Variants in RASGRP3 observed in about 807,000 individuals in gnomAD.
The protein encoded by RASGRP3 is RAS guanyl releasing protein 3.
RASGRP3 carries 54 observed loss-of-function variants against 82.7 expected under a neutral mutation model. The ratio of observed to expected loss-of-function variants is 0.65; its 90% confidence interval spans 0.52 to 0.82. The LOEUF (loss-of-function observed/expected upper bound fraction) is 0.82, where lower values mean the gene tolerates loss of function less well. RASGRP3 is among the 40% of genes least tolerant of loss of function. The pLI is 0.00. For missense variants in RASGRP3, 861 were observed against 828.9 expected, an observed-to-expected ratio of 1.04 and a Z score of -0.48; for synonymous variants, 309 against 300.5, an observed-to-expected ratio of 1.03 and a Z score of -0.29.
Position 33,554,695 on chromosome 2 carries a change from G to A in RASGRP3, c.1543-836G>A, listed in dbSNP as rs552936717. Among the ~76,000 whole-genome samples the A allele has an allele frequency of 1.1e-4, 16 of 152,072 alleles. No individual in the cohort carries two copies. The South Asian group carries it at 3.1e-3, about 30-fold the overall frequency. On this transcript the variant is annotated intron_variant, in intron 14 of 17. Coordinates refer to ENST00000403687, the MANE Select transcript of RASGRP3 (RefSeq NM_001139488.2). The stretch of plus-strand genomic sequence containing the variant: ...TCACCATATTAGCCAGGATGGTCTC[G>A]ATCTCCTGACCTCGTGATCTGCTCT...
At chr2:33,556,092 T>A (rs993974561) in intron 15 of RASGRP3, among the ~76,000 whole-genome samples, 8 of 152,184 alleles carry the variant, frequency 5.3e-5, no homozygotes, top group Non-Finnish European at 1.0e-4. Flanking sequence ...CAAATATATT[T>A]GACAAATGCA....
chr2:33,526,261 CTCTG>C (rs1011646145), intron 9 of RASGRP3, among the ~76,000 whole-genome samples: 19 of 152,320 alleles, frequency 1.2e-4, no homozygotes, highest in African/African-American at 4.3e-4. Flanking sequence ...TGGAAACAGA[CTCTG>C]TCTGAGTCAC....
chr2:33,478,093 C>T (rs1250250806), intron 1 of RASGRP3, among the ~76,000 whole-genome samples: 1 of 152,158 alleles, frequency 6.6e-6, no homozygotes, highest in Non-Finnish European at 1.5e-5. Flanking sequence ...ACCCAGGGCA[C>T]GGCACTTCTG....
intron 7 of RASGRP3, 80 bp downstream of exon 7, chr2:33,522,182 A>T (rs1288662760): frequency 2.0e-6 from 3 of 1,465,234 alleles, no homozygotes; most frequent in Non-Finnish European, 2.8e-6. Flanking sequence ...TCATACTCTG[A>T]AGTGTTGGCA....
chr2:33,560,040 C>T (rs1399520918), intron 17 of RASGRP3, among the ~76,000 whole-genome samples: 2 of 152,164 alleles, frequency 1.3e-5, no homozygotes, highest in African/African-American at 4.8e-5. Context: ...TCTATAACAT[C>T]CACTTTTAAA....
chr2:33,543,848 A>G (rs1459675704), intron 13 of RASGRP3, among the ~76,000 whole-genome samples: 1 of 152,198 alleles, frequency 6.6e-6, no homozygotes, highest in Non-Finnish European at 1.5e-5. Context: ...ACACAAGTGC[A>G]CATTTGTAAA....
intron 2 of RASGRP3, among the ~76,000 whole-genome samples, chr2:33,463,632 A>C (rs532282167): frequency 8.2e-6 from 1 of 122,442 alleles, no homozygotes; most frequent in Non-Finnish European, 1.6e-5. Context: ...AGAGTCTCGC[A>C]CTATCGCCCG....
intron 13 of RASGRP3, among the ~76,000 whole-genome samples, chr2:33,547,056 A>G (rs1225883174): frequency 3.5e-5 from 2 of 57,466 alleles, no homozygotes; most frequent in African/African-American, 1.1e-4. Context: ...TCTCAGGGAA[A>G]AAAAAAAAAA....
chr2:33,490,610 C>G (rs72804231), intron 1 of RASGRP3, among the ~76,000 whole-genome samples: 7,400 of 152,250 alleles, frequency 0.049, 335 homozygotes, highest in East Asian at 0.13. Context: ...TTTGCTGCTC[C>G]TCCTCCCCTC....
chr2:33,524,252 A>G (rs1191146764), intron 8 of RASGRP3, among the ~76,000 whole-genome samples, 180 bp from the exon 9 acceptor site: 1 of 152,220 alleles, frequency 6.6e-6, no homozygotes, highest in Admixed American at 6.5e-5. Flanking sequence ...CATTTAATGT[A>G]GCTATTTCTC....
At chr2:33,561,508 C>T (rs1676652803) in intron 17 of RASGRP3, among the ~76,000 whole-genome samples, 1 of 151,778 alleles carries the variant, frequency 6.6e-6, no homozygotes, top group South Asian at 2.1e-4. Context: ...AAATCAGTAA[C>T]AAATGAGATG....
intron 2 of RASGRP3, among the ~76,000 whole-genome samples, chr2:33,468,110 G>T (rs1406308060): frequency 6.8e-6 from 1 of 147,676 alleles, no homozygotes; most frequent in Admixed American, 6.9e-5. Context: ...AAGTGTCTTT[G>T]TAAGTCCAGT....
intron 13 of RASGRP3, among the ~76,000 whole-genome samples, chr2:33,545,979 C>CT (rs921860488): frequency 8.0e-5 from 12 of 149,844 alleles, no homozygotes; most frequent in Non-Finnish European, 1.5e-4. Flanking sequence ...TTTTTTTTTT[C>CT]TTTTTTTTTC....
At chr2:33,451,347 C>G (rs537420410) in intron 2 of RASGRP3, among the ~76,000 whole-genome samples, 1 of 152,222 alleles carries the variant, frequency 6.6e-6, no homozygotes, top group East Asian at 1.9e-4. Flanking sequence ...CAAATATTTT[C>G]TACCATCCCA....
chr2:33,493,381 G>T (rs1162384742), intron 1 of RASGRP3, among the ~76,000 whole-genome samples: 2 of 152,222 alleles, frequency 1.3e-5, no homozygotes, highest in Non-Finnish European at 2.9e-5. Flanking sequence ...GAGAGCAGGG[G>T]CAGAGTCCCT....
At chr2:33,518,103 G>A (rs942261303) in intron 4 of RASGRP3, among the ~76,000 whole-genome samples, 2 of 152,002 alleles carry the variant, frequency 1.3e-5, no homozygotes, top group Admixed American at 6.6e-5. Flanking sequence ...ATAACATAAC[G>A]ACGGGGATAC....
intron 13 of RASGRP3, among the ~76,000 whole-genome samples, chr2:33,545,364 G>T (rs1186376441): frequency 6.6e-6 from 1 of 152,186 alleles, no homozygotes; most frequent in Non-Finnish European, 1.5e-5. Flanking sequence ...CTATTAATTA[G>T]TACTTTTGAA....
chr2:33,441,349 C>T (rs1041348604), intron 1 of RASGRP3, among the ~76,000 whole-genome samples: 1 of 152,016 alleles, frequency 6.6e-6, no homozygotes, highest in Non-Finnish European at 1.5e-5. Flanking sequence ...TTAGATCGTG[C>T]AATTTTTAGA....
At chr2:33,455,721 C>A (rs1407030106) in intron 2 of RASGRP3, among the ~76,000 whole-genome samples, 1 of 152,200 alleles carries the variant, frequency 6.6e-6, no homozygotes, top group Non-Finnish European at 1.5e-5. Context: ...ACCATCTAAC[C>A]AAGTTTTGCA....
Sources: allele counts gnomAD v4.1 joint callset (sites outside exome capture counted in the v4.1 genomes callset), GRCh38; gene constraint gnomAD v4.1.1; transcripts MANE v1.5; gene names NCBI Gene and HGNC (gene_info 2026-07-23, HGNC 2026-07-21).